The following MCMBP variants were observed in gnomAD, a reference collection of about 807,000 sequenced individuals.
MCMBP encodes mini-chromosome maintenance complex-binding protein.
MCMBP carries 31 observed loss-of-function variants against 81.3 expected under a neutral mutation model. That is an observed-to-expected ratio of 0.38 (90% confidence interval 0.29 to 0.51). The LOEUF is 0.51. Ranked by LOEUF, MCMBP falls within the 20% of genes least tolerant of loss-of-function variation. MCMBP has a pLI of 0.87. For missense variants in MCMBP, 645 were observed against 772.1 expected (o/e 0.84, Z 1.95); for synonymous variants, 267 against 275.9 (o/e 0.97, Z 0.32).
intron 5 of MCMBP, 48 bp downstream of exon 5, chr10:119,857,290 A>C: frequency 7.5e-7 from 1 of 1,337,210 alleles, no homozygotes; most frequent in Non-Finnish European, 1.0e-6. Flanking sequence ...TTAAAGGCTA[A>C]GTTTTTAGAA....
intron 1 of MCMBP, among the ~76,000 whole-genome samples, chr10:119,871,009 C>T (rs1853651405): frequency 6.6e-6 from 1 of 152,176 alleles, no homozygotes; most frequent in Non-Finnish European, 1.5e-5. Context: ...GACACAAATA[C>T]ATTCAAATCT....
At position 119,849,891 on chromosome 10, in the gene MCMBP, CTTTGA is replaced by C. The variant is rs551456319; in HGVS notation, c.575-320_575-316del. ...ATTTGCAATATGGTTACTTTGACAT[CTTTGA>C]TTTAAGGAATACATGGTCTACCGAC... is the stretch of plus-strand genomic sequence containing the variant. On this transcript the variant is annotated intron_variant, in intron 6 of 15. Coordinates refer to ENST00000369077, the MANE Select transcript of MCMBP (RefSeq NM_001256378.2). Among the ~76,000 whole-genome samples, 35 of 152,256 alleles carry C rather than the reference CTTTGA, an allele frequency of 2.3e-4. No individual in the cohort carries two copies. In the South Asian group the frequency reaches 7.1e-3, roughly 31 times the overall value.
chr10:119,830,303 T>C lies in MCMBP; in HGVS notation c.*1171A>G, dbSNP rs1382801230. ...GCTTAAAAAGTAATGTCCTAACCTT[T>C]CTGAAGATTCTGGTTGCCATAACCA... On this transcript the variant is annotated 3_prime_UTR_variant, in exon 16 of 16. Transcript: ENST00000369077. The C allele has an allele frequency of 3.9e-5, 6 of 152,572 alleles. No homozygotes were observed. The East Asian group carries it at 9.6e-4, about 24-fold the overall frequency. The allele number at this position is 152,572 out of a possible 1,614,324, so 9.5% of individuals were successfully genotyped here.
intron 8 of MCMBP, among the ~76,000 whole-genome samples, chr10:119,845,661 G>A (rs1277678446): frequency 6.6e-6 from 1 of 152,154 alleles, no homozygotes; most frequent in Non-Finnish European, 1.5e-5. Context: ...TGAAGGGGAA[G>A]AAAAGTTACC....
intron 5 of MCMBP, among the ~76,000 whole-genome samples, chr10:119,854,540 A>AAAAT (rs138139742): frequency 0.017 from 2,393 of 140,706 alleles, 23 homozygotes; most frequent in South Asian, 0.038. Context: ...CCCTGTCTCA[A>AAAAT]AAATAAATAA....
intron 10 of MCMBP, 86 bp downstream of exon 10, chr10:119,842,386 C>A (rs61869088): frequency 0.11 from 160,114 of 1,463,524 alleles, 9,653 homozygotes; most frequent in South Asian, 0.17. Context: ...ATAAGGAAAA[C>A]ACACAAATGA....
intron 6 of MCMBP, among the ~76,000 whole-genome samples, chr10:119,852,462 C>T (rs1296338813): frequency 6.6e-6 from 1 of 152,106 alleles, no homozygotes; most frequent in Non-Finnish European, 1.5e-5. Flanking sequence ...ATCACCTGAG[C>T]CCAGGAGTTT....
chr10:119,835,488 T>C (rs1298335035), intron 14 of MCMBP, 52 bp downstream of exon 14: 9 of 1,479,142 alleles, frequency 6.1e-6, no homozygotes, highest in South Asian at 2.5e-5. Context: ...TGTAAATTGG[T>C]TGCATACTGC....
At chr10:119,845,340 C>T (rs959964544) in intron 8 of MCMBP, among the ~76,000 whole-genome samples, 5 of 151,638 alleles carry the variant, frequency 3.3e-5, no homozygotes, top group Middle Eastern at 3.2e-3. Flanking sequence ...GGGACATCAG[C>T]CCTTGCTTTT....
intron 14 of MCMBP, among the ~76,000 whole-genome samples, chr10:119,834,861 C>CA (rs71019725): frequency 0.67 from 45,307 of 67,314 alleles, 16,417 homozygotes; most frequent in Admixed American, 0.72. Flanking sequence ...GACCCTGTCT[C>CA]AAAAAAAAAA....
intron 6 of MCMBP, among the ~76,000 whole-genome samples, chr10:119,849,878 G>A (rs1206305112): frequency 6.6e-6 from 1 of 152,020 alleles, no homozygotes; most frequent in African/African-American, 2.4e-5. Context: ...TTGCAATATG[G>A]TTACTTTGAC....
chr10:119,839,027 C>G (rs1464900757), intron 11 of MCMBP, among the ~76,000 whole-genome samples: 1 of 152,162 alleles, frequency 6.6e-6, no homozygotes, highest in African/African-American at 2.4e-5. Context: ...TCACCTAACA[C>G]AAGCTAGCTA....
At chr10:119,843,215 A>T in intron 9 of MCMBP, 39 bp downstream of exon 9, 1 of 1,611,314 alleles carries the variant, frequency 6.2e-7, no homozygotes, top group African/African-American at 1.3e-5. Context: ...ACTGAGGCTA[A>T]CAGTCGATAG....
intron 1 of MCMBP, among the ~76,000 whole-genome samples, chr10:119,862,925 G>T (rs1379050058): frequency 2.0e-5 from 3 of 152,074 alleles, no homozygotes; most frequent in African/African-American, 7.2e-5. Flanking sequence ...CTTCTCAGGG[G>T]GATATTTGCC....
chr10:119,847,718 CAA>C lies in MCMBP; in HGVS notation c.727-7_727-6del, dbSNP rs1412015573. 1 of 1,530,850 alleles carries C rather than the reference CAA, an allele frequency of 6.5e-7. No individual in the cohort carries two copies. The highest frequency in any genetic ancestry group is 9.0e-7 in the Non-Finnish European group (1 of 1,107,864). The allele number at this position is 1,530,850 out of a possible 1,614,324, so 94.8% of individuals were successfully genotyped here. The stretch of plus-strand genomic sequence containing the variant: ...ACAATCCCAATCTTCATAAACCTAA[CAA>C]GAGACCACATGAAATCACACTGTTA... On this transcript the variant is annotated splice_region_variant and splice_polypyrimidine_tract_variant and intron_variant, in intron 7 of 15. Coordinates refer to ENST00000369077, the MANE Select transcript of MCMBP (RefSeq NM_001256378.2).
chr10:119,849,053 T>C (rs991659247), intron 7 of MCMBP, among the ~76,000 whole-genome samples: 1 of 152,178 alleles, frequency 6.6e-6, no homozygotes, highest in Non-Finnish European at 1.5e-5. Context: ...TCACACGGAT[T>C]CTTAAAATTG....
At chr10:119,865,351 G>C (rs938669074) in intron 1 of MCMBP, among the ~76,000 whole-genome samples, 2 of 152,160 alleles carry the variant, frequency 1.3e-5, no homozygotes, top group Non-Finnish European at 2.9e-5. Flanking sequence ...CAGCACTTAG[G>C]GAGGCCAAGG....
At chr10:119,834,861 C>CAAAAAAA (rs71019725) in intron 14 of MCMBP, among the ~76,000 whole-genome samples, 3 of 67,296 alleles carry the variant, frequency 4.5e-5, no homozygotes, top group Non-Finnish European at 7.7e-5. Context: ...GACCCTGTCT[C>CAAAAAAA]AAAAAAAAAA....
Position 119,852,995 on chromosome 10 carries a change from A to T in MCMBP, c.574+55T>A, listed in dbSNP as rs1589791021. On this transcript the variant is annotated intron_variant, in intron 6 of 15. Coordinates refer to ENST00000369077, the MANE Select transcript of MCMBP (RefSeq NM_001256378.2). ...ATATTATGTAACAATTCACTCTGAA[A>T]ACCAATCTACTGTAAGAGAGCAAAG... The T allele has an allele frequency of 5.6e-6, 9 of 1,596,050 alleles. No homozygotes were observed. The East Asian group carries it at 2.0e-4, about 36-fold the overall frequency.
Sources: gnomAD v4.1 joint callset for allele counts (sites outside exome capture counted in the v4.1 genomes callset) on GRCh38, gnomAD v4.1.1 for gene constraint, MANE v1.5 for transcripts, NCBI Gene and HGNC (gene_info 2026-07-23, HGNC 2026-07-21) for gene names.